Variants in ASH1L observed in about 807,000 individuals in gnomAD.
The protein encoded by ASH1L is ASH1 like histone lysine methyltransferase.
Under a neutral mutation model 269.0 loss-of-function variants are expected in ASH1L, and 23 were observed. That is an observed-to-expected ratio of 0.09 (90% CI 0.06 to 0.12). The LOEUF (loss-of-function observed/expected upper bound fraction) is 0.12, where lower values mean the gene tolerates loss of function less well. ASH1L is among the 10% of genes least tolerant of loss of function. ASH1L has a pLI of 1.00. For synonymous variants in ASH1L, 1,187 were observed against 1,253.5 expected (o/e 0.95, Z 1.12); for missense variants, 2,912 against 3,567.8 (o/e 0.82, Z 4.68).
chr1:155,408,935 A>G (rs940471074), intron 6 of ASH1L, among the ~76,000 whole-genome samples: 18 of 151,824 alleles, frequency 1.2e-4, no homozygotes, highest in South Asian at 2.1e-4. Flanking sequence ...CAAAACAAAC[A>G]GAGAGTTTAC....
intron 5 of ASH1L, among the ~76,000 whole-genome samples, chr1:155,423,451 C>A (rs1660880156): frequency 6.6e-6 from 1 of 151,926 alleles, no homozygotes; most frequent in African/African-American, 2.4e-5. Flanking sequence ...CGGTGGTAGT[C>A]CCAGCTACTC....
intron 1 of ASH1L, among the ~76,000 whole-genome samples, chr1:155,543,635 T>C (rs534686073): frequency 1.3e-5 from 2 of 151,326 alleles, no homozygotes; most frequent in African/African-American, 4.8e-5. Context: ...ATTCTTTGCA[T>C]CATAAACAAA....
Position 155,438,807 on chromosome 1 carries a change from G to C in ASH1L, c.5348C>G (p.Ser1783Cys), listed in dbSNP as rs139279643. 5 of 1,614,084 alleles carry C rather than the reference G, an allele frequency of 3.1e-6. No individual in the cohort carries two copies. In the African/African-American group the frequency reaches 6.7e-5, roughly 22 times the overall value. Residue 1783 changes from serine (S) to cysteine (C), a missense_variant, in exon 5 of 28, where the codon TCT becomes TGT. By Grantham distance (112) the Ser-to-Cys change is moderately radical. Transcript: ENST00000392403. ...DSCNNSISLLSEKLTSSCSPH... is the reference protein window; with the variant it reads ...DSCNNSISLLCEKLTSSCSPH... ...GGAACAGCTGCTTGTCAACTTTTCAGATAGGAGTGAGATGCTATTATTGCA... is the reference window on the plus strand; with the variant it reads ...GGAACAGCTGCTTGTCAACTTTTCACATAGGAGTGAGATGCTATTATTGCA...
At chr1:155,377,972 G>A (rs763807937) in intron 10 of ASH1L, among the ~76,000 whole-genome samples, 3 of 151,290 alleles carry the variant, frequency 2.0e-5, no homozygotes, top group South Asian at 2.1e-4. Context: ...GCAGTGAGCC[G>A]AGATCGCGCC....
chr1:155,468,558 G>A (rs1415054985), intron 3 of ASH1L, among the ~76,000 whole-genome samples: 1 of 152,030 alleles, frequency 6.6e-6, no homozygotes, highest in Non-Finnish European at 1.5e-5. Flanking sequence ...TGGATTTATA[G>A]ATATTGACTT....
At chr1:155,532,918 T>C (rs897000740) in intron 1 of ASH1L, among the ~76,000 whole-genome samples, 3 of 147,504 alleles carry the variant, frequency 2.0e-5, no homozygotes, top group Non-Finnish European at 4.5e-5. Flanking sequence ...TATGTATGTG[T>C]ATATATGTGT....
chr1:155,377,588 C>CA (rs143348417), intron 10 of ASH1L, among the ~76,000 whole-genome samples: 3,141 of 151,974 alleles, frequency 0.021, 102 homozygotes, highest in African/African-American at 0.072. Context: ...CAAAACAAAA[C>CA]AAAAACCCCA....
At chr1:155,482,796 T>TA (rs1223334265) in intron 2 of ASH1L, among the ~76,000 whole-genome samples, 1 of 152,184 alleles carries the variant, frequency 6.6e-6, no homozygotes, top group Non-Finnish European at 1.5e-5. Context: ...CATATGAAGT[T>TA]ACCATTTTTG....
chr1:155,508,146 A>C (rs74118486), intron 2 of ASH1L, among the ~76,000 whole-genome samples: 1,831 of 152,320 alleles, frequency 0.012, 28 homozygotes, highest in African/African-American at 0.042. Flanking sequence ...AAATACAAGT[A>C]AATATTGTGA....
rs1359267567 is a variant in ASH1L, at chr1:155,438,751, C to T, written c.5404G>A (p.Ala1802Thr). Reference sequence around the variant, plus strand: ...ATTTTCCGAGCTTGGCGTTGCATAGCTTCCACTACACTTCTCTTGATATGA... The same window carrying T: ...ATTTTCCGAGCTTGGCGTTGCATAGTTTCCACTACACTTCTCTTGATATGA... ...PHHIKRSVVE[A>T]MQRQARKMCN... The change falls in exon 5 of 28, where the codon GCT becomes ACT. Residue 1802 changes from alanine to threonine, a missense_variant. This residue lies in a region of ASH1L where 789 missense variants were observed against 897.6 expected (regional missense o/e 0.88). Transcript: ENST00000392403. 6.2e-7 allele frequency: 1 copy of T among 1,614,164 alleles called. No homozygotes were observed.
In ASH1L at chr1:155,354,563, C is replaced by T; in HGVS notation, c.7123G>A (p.Glu2375Lys). 1.2e-6 allele frequency: 2 copies of T among 1,613,934 alleles called. No homozygotes were observed. Among genetic ancestry groups the T allele is most frequent in the Non-Finnish European group, 1.7e-6 (2 of 1,179,952 alleles). The change falls in exon 16 of 28, where the codon GAA becomes AAA. Residue 2375 changes from glutamate (E) to lysine (K), a missense_variant. Transcript: ENST00000392403. ...ATATTATCACTGGTGTGCTTTACTT[C>T]CTCCTGTTTTTGACGAATCTTCTCC... is the stretch of plus-strand genomic sequence containing the variant. Reference protein sequence around the residue: ...NWEKIRQKQEEVKHTSDNIHS... With the variant: ...NWEKIRQKQEKVKHTSDNIHS...
At chr1:155,526,839 A>G (rs1195323169) in intron 1 of ASH1L, among the ~76,000 whole-genome samples, 1 of 152,118 alleles carries the variant, frequency 6.6e-6, no homozygotes, top group Non-Finnish European at 1.5e-5. Context: ...CACATCATCC[A>G]TTTCTCATAT....
At position 155,355,960 on chromosome 1, in the gene ASH1L, G is replaced by A. The variant is rs938834347; in HGVS notation, c.7056-1330C>T. Among the ~76,000 whole-genome samples, 3 of 144,172 alleles carry A rather than the reference G, an allele frequency of 2.1e-5. No individual in the cohort carries two copies. The East Asian group carries it at 6.2e-4, about 30-fold the overall frequency. 94.6% of individuals were successfully genotyped at this position (144,172 alleles called of 152,430 possible). ...TTTGTTTTTTTTTGTTTTTTGAGAC[G>A]GAGTTTTGCTCTTGCTGCCCAGGCT... is the stretch of plus-strand genomic sequence containing the variant. On this transcript the variant is annotated intron_variant, in intron 15 of 27. Transcript: ENST00000392403.
chr1:155,458,950 CTCTT>C (rs1477240647), intron 4 of ASH1L, among the ~76,000 whole-genome samples: 1 of 134,818 alleles, frequency 7.4e-6, no homozygotes. Flanking sequence ...ATCATCCTCT[CTCTT>C]TTTTTTTTTT....
chr1:155,493,498 ACTTT>A (rs766401670), intron 2 of ASH1L, among the ~76,000 whole-genome samples: 6 of 152,238 alleles, frequency 3.9e-5, no homozygotes, highest in Non-Finnish European at 8.8e-5. Flanking sequence ...GTTACAGAAT[ACTTT>A]CTAACTATAA....
At chr1:155,423,721 TG>T (rs1660905202) in intron 5 of ASH1L, among the ~76,000 whole-genome samples, 1 of 152,200 alleles carries the variant, frequency 6.6e-6, no homozygotes, top group African/African-American at 2.4e-5. Context: ...CAAGTCCTTA[TG>T]CTAGATTCAT....
chr1:155,377,046 T>A (rs1167286203), intron 10 of ASH1L, among the ~76,000 whole-genome samples: 1 of 151,702 alleles, frequency 6.6e-6, no homozygotes, highest in African/African-American at 2.4e-5. Context: ...TAGCTGGGAT[T>A]ATAGGCATGA....
intron 1 of ASH1L, among the ~76,000 whole-genome samples, chr1:155,548,379 G>A (rs1250039739): frequency 1.3e-5 from 2 of 151,934 alleles, no homozygotes; most frequent in Non-Finnish European, 2.9e-5. Context: ...AAAATTAGCC[G>A]GGCGTGTTTG....
chr1:155,370,816 A>G lies in ASH1L; in HGVS notation c.6500T>C (p.Ile2167Thr), dbSNP rs1456315051. 6.2e-7 allele frequency: 1 copy of G among 1,614,086 alleles called. No homozygotes were observed. The highest frequency in any genetic ancestry group is 1.3e-5 in the African/African-American group (1 of 74,926). The change falls in exon 11 of 28, where the codon ATT becomes ACT. Residue 2167 changes from isoleucine to threonine, a missense_variant. By Grantham distance (89) the Ile-to-Thr change is moderately conservative. Transcript: ENST00000392403. ...KEPLKAGQFIIEYLGEVVSEQ... is the reference protein window; with the variant it reads ...KEPLKAGQFITEYLGEVVSEQ... The stretch of plus-strand genomic sequence containing the variant: ...ACTGACGACCTCCCCTAGGTATTCA[A>G]TGATGAACTGCCCAGCTTTTAGGGG...
Sources: allele counts gnomAD v4.1 joint callset (sites outside exome capture counted in the v4.1 genomes callset), GRCh38; gene constraint gnomAD v4.1.1; regional missense constraint gnomAD v4.1.1; transcripts MANE v1.5; gene names NCBI Gene and HGNC (gene_info 2026-07-23, HGNC 2026-07-21).